RBFOX1: variants seen among roughly 807,000 people sequenced by gnomAD.
RBFOX1 encodes the protein RNA binding protein fox-1 homolog 1.
In RBFOX1, 8 loss-of-function variants were observed where a neutral mutation model predicts 57.7. The ratio of observed to expected loss-of-function variants is 0.14; its 90% CI spans 0.08 to 0.25. The LOEUF (loss-of-function observed/expected upper bound fraction) is 0.25. RBFOX1 is among the 10% of genes least tolerant of loss of function. The probability of loss-of-function intolerance (pLI) is 1.00; values close to 1 mark genes in which losing one functional copy is unlikely to be tolerated. For missense variants in RBFOX1, 611 were observed against 548.5 expected (o/e 1.11, Z -1.14); for synonymous variants, 326 against 222.4 (o/e 1.47, Z -4.15).
At chr16:7,038,485 G>A (rs2045193949) in intron 3 of RBFOX1, among the ~76,000 whole-genome samples, 1 of 152,108 alleles carries the variant, frequency 6.6e-6, no homozygotes, top group African/African-American at 2.4e-5. Context: ...CTGGGGTAAT[G>A]GTTTATTATT....
At chr16:5,283,711 G>A (rs780240999) in intron 1 of RBFOX1, among the ~76,000 whole-genome samples, 2 of 152,164 alleles carry the variant, frequency 1.3e-5, no homozygotes, top group Non-Finnish European at 2.9e-5. Flanking sequence ...GAATGACTGT[G>A]TTTACCCAGT....
chr16:5,764,990 G>T (rs959630433), intron 3 of RBFOX1, among the ~76,000 whole-genome samples: 1 of 152,146 alleles, frequency 6.6e-6, no homozygotes, highest in Non-Finnish European at 1.5e-5. Context: ...GGCTGCAGGT[G>T]CTAGACCAAG....
chr16:6,225,019 CAAAAAAAA>C (rs59261521), intron 1 of RBFOX1, among the ~76,000 whole-genome samples: 1 of 76,064 alleles, frequency 1.3e-5, no homozygotes, highest in African/African-American at 4.6e-5. Flanking sequence ...AACTCCATCT[CAAAAAAAA>C]AAAAAAAAAA....
At chr16:6,186,413 GAGCACA>G (rs2097105482) in intron 1 of RBFOX1, among the ~76,000 whole-genome samples, 2 of 152,168 alleles carry the variant, frequency 1.3e-5, no homozygotes, top group African/African-American at 4.8e-5. Flanking sequence ...GCCGAGGTGT[GAGCACA>G]AGAATGAATA....
At chr16:6,908,962 T>C (rs2070823452) in intron 3 of RBFOX1, among the ~76,000 whole-genome samples, 1 of 152,170 alleles carries the variant, frequency 6.6e-6, no homozygotes, top group African/African-American at 2.4e-5. Context: ...CCCAACACGC[T>C]CTCTCTGGGG....
At chr16:5,613,928 T>TC (rs1267096822) in intron 3 of RBFOX1, among the ~76,000 whole-genome samples, 1 of 151,900 alleles carries the variant, frequency 6.6e-6, no homozygotes, top group African/African-American at 2.4e-5. Context: ...CTTGGACTTT[T>TC]TTTTTTTTTT....
At chr16:5,870,211 G>T (rs2057435997) in intron 4 of RBFOX1, among the ~76,000 whole-genome samples, 1 of 150,462 alleles carries the variant, frequency 6.6e-6, no homozygotes, top group Non-Finnish European at 1.5e-5. Flanking sequence ...TAGCAATAGT[G>T]GTTACCTCTG....
intron 3 of RBFOX1, among the ~76,000 whole-genome samples, chr16:6,696,010 C>T (rs972342366): frequency 2.6e-5 from 4 of 152,116 alleles, no homozygotes; most frequent in Admixed American, 6.5e-5. Context: ...ATTTCTACAG[C>T]GTATCCACTT....
intron 3 of RBFOX1, among the ~76,000 whole-genome samples, chr16:5,788,424 T>G (rs1316571431): frequency 2.0e-5 from 3 of 151,598 alleles, no homozygotes; most frequent in African/African-American, 7.3e-5. Context: ...ATCTCAGGAG[T>G]TTGAGATCAG....
At chr16:7,260,603 G>A (rs1345696991) in intron 4 of RBFOX1, among the ~76,000 whole-genome samples, 1 of 152,098 alleles carries the variant, frequency 6.6e-6, no homozygotes, top group African/African-American at 2.4e-5. Flanking sequence ...ACGCTATGTA[G>A]GTAAGATAAC....
chr16:6,909,895 G>C (rs1472450332), intron 3 of RBFOX1, among the ~76,000 whole-genome samples: 1 of 152,070 alleles, frequency 6.6e-6, no homozygotes, highest in African/African-American at 2.4e-5. Context: ...CGGTTCCTTT[G>C]CTAATTCTGT....
intron 3 of RBFOX1, among the ~76,000 whole-genome samples, chr16:5,863,649 G>T (rs1010162811): frequency 6.6e-6 from 1 of 152,130 alleles, no homozygotes; most frequent in Non-Finnish European, 1.5e-5. Flanking sequence ...GCGTAGAGAG[G>T]GTTCTAGATA....
intron 3 of RBFOX1, among the ~76,000 whole-genome samples, chr16:6,812,344 T>A (rs1457405190): frequency 6.6e-6 from 1 of 152,156 alleles, no homozygotes; most frequent in African/African-American, 2.4e-5. Context: ...AAAGTGCCAA[T>A]TAGCACTGCA....
intron 3 of RBFOX1, among the ~76,000 whole-genome samples, chr16:6,985,901 G>C (rs1599204674): frequency 9.4e-6 from 1 of 106,540 alleles, no homozygotes. Flanking sequence ...GGACTTCTTT[G>C]TATCTTTAAT....
chr16:5,288,839 CAT>C (rs1007878927), intron 1 of RBFOX1, among the ~76,000 whole-genome samples: 3 of 151,876 alleles, frequency 2.0e-5, no homozygotes, highest in African/African-American at 7.3e-5. Context: ...CCATAAAACT[CAT>C]ATAGGCTGGG....
chr16:7,309,169 C>T (rs752368599), intron 4 of RBFOX1, among the ~76,000 whole-genome samples: 25 of 152,156 alleles, frequency 1.6e-4, no homozygotes, highest in South Asian at 6.2e-4. Context: ...TGTCTTACGT[C>T]GTAAATTGGT....
At chr16:6,675,826 C>G (rs1348759889) in intron 3 of RBFOX1, among the ~76,000 whole-genome samples, 2 of 152,080 alleles carry the variant, frequency 1.3e-5, no homozygotes, top group African/African-American at 4.8e-5. Context: ...TCCCACCAGG[C>G]CCCTCCCACA....
intron 3 of RBFOX1, among the ~76,000 whole-genome samples, chr16:5,849,413 G>A (rs2056836270): frequency 6.6e-6 from 1 of 151,936 alleles, no homozygotes; most frequent in South Asian, 2.1e-4. Context: ...ATGTGTCTGG[G>A]GCACTGATGC....
chr16:5,266,372 G>A (rs1183996391), intron 1 of RBFOX1, among the ~76,000 whole-genome samples: 8 of 152,048 alleles, frequency 5.3e-5, no homozygotes, highest in African/African-American at 1.7e-4. Flanking sequence ...TCCCCCGGGG[G>A]CATAATAGCC....
Sources: gnomAD v4.1 joint callset for allele counts (sites outside exome capture counted in the v4.1 genomes callset) on GRCh38, gnomAD v4.1.1 for gene constraint, MANE v1.5 for transcripts, NCBI Gene and HGNC (gene_info 2026-07-23, HGNC 2026-07-21) for gene names.